The following MSH4 variants were observed in gnomAD, a reference collection of about 807,000 sequenced individuals.
MSH4 encodes the protein mutS homolog 4.
In MSH4, 106 loss-of-function variants were observed where a neutral mutation model predicts 113.7. The observed-to-expected ratio is 0.93, with a 90% CI of 0.80 to 1.10. MSH4 has a LOEUF of 1.10. Among genes scored for constraint, MSH4 ranks in the 50% least tolerant of loss-of-function variants. MSH4 has a pLI of 0.00. For missense variants in MSH4, 1,061 were observed against 1,093.7 expected, an observed-to-expected ratio of 0.97 and a Z score of 0.42; for synonymous variants, 368 against 380.2, an observed-to-expected ratio of 0.97 and a Z score of 0.37.
intron 9 of MSH4, among the ~76,000 whole-genome samples, chr1:75,871,723 T>C (rs1228119255): frequency 6.6e-5 from 10 of 152,340 alleles, no homozygotes; most frequent in South Asian, 6.2e-4. Context: ...CCTGTAACAC[T>C]ACTTCTAGAG....
intron 8 of MSH4, 56 bp from the exon 9 acceptor site, chr1:75,867,458 A>G (rs1651611052): frequency 3.2e-6 from 3 of 937,708 alleles, no homozygotes; most frequent in African/African-American, 1.7e-5. Flanking sequence ...AGGAAAACCC[A>G]TTGTTCTATT....
chr1:75,859,522 G>T (rs2201274), intron 8 of MSH4, among the ~76,000 whole-genome samples: 114,541 of 152,078 alleles, frequency 0.75, 43,277 homozygotes, highest in East Asian at 0.98. Context: ...GTTATTTACT[G>T]AGTAGTCATT....
At chr1:75,865,879 G>A (rs1570975857) in intron 8 of MSH4, among the ~76,000 whole-genome samples, 1 of 151,830 alleles carries the variant, frequency 6.6e-6, no homozygotes, top group Non-Finnish European at 1.5e-5. Flanking sequence ...GTAGGTTGAG[G>A]GAAGGGCCAT....
chr1:75,832,844 A>T (rs1047931682), intron 7 of MSH4, among the ~76,000 whole-genome samples: 19 of 152,306 alleles, frequency 1.2e-4, no homozygotes, highest in African/African-American at 4.6e-4. Context: ...GAATGGGCAA[A>T]AACTGGAAGC....
chr1:75,832,064 G>A (rs1650706102), intron 7 of MSH4, among the ~76,000 whole-genome samples: 1 of 152,086 alleles, frequency 6.6e-6, no homozygotes, highest in Non-Finnish European at 1.5e-5. Context: ...AGAAAAGAGA[G>A]AAGAATCAAA....
chr1:75,819,711 CTTTG>C (rs1449850985), intron 6 of MSH4, among the ~76,000 whole-genome samples: 2 of 151,818 alleles, frequency 1.3e-5, no homozygotes, highest in Middle Eastern at 3.2e-3. Context: ...TTTTTTGTTT[CTTTG>C]TTTTTGTTTG....
intron 1 of MSH4, among the ~76,000 whole-genome samples, chr1:75,797,900 C>T (rs541221638): frequency 6.6e-6 from 1 of 152,248 alleles, no homozygotes; most frequent in African/African-American, 2.4e-5. Flanking sequence ...GCTGAGATTG[C>T]GCCACTGCAT....
At chr1:75,853,075 G>T (rs1343005940) in intron 8 of MSH4, among the ~76,000 whole-genome samples, 3 of 151,880 alleles carry the variant, frequency 2.0e-5, no homozygotes, top group Admixed American at 6.6e-5. Context: ...TTGTTTGTTT[G>T]TTTGTTTGAG....
chr1:75,879,170 A>G, intron 12 of MSH4, 42 bp downstream of exon 12: 2 of 1,563,602 alleles, frequency 1.3e-6, no homozygotes, highest in Non-Finnish European at 1.8e-6. Context: ...TTCTGATTTT[A>G]TAGAATTACA....
At chr1:75,803,321 A>G (rs1649979207) in intron 1 of MSH4, among the ~76,000 whole-genome samples, 1 of 152,196 alleles carries the variant, frequency 6.6e-6, no homozygotes, top group South Asian at 2.1e-4. Context: ...GAAATTTTAT[A>G]GAAAGTGAAC....
intron 14 of MSH4, among the ~76,000 whole-genome samples, chr1:75,881,973 T>C (rs1651944764): frequency 6.6e-6 from 1 of 152,088 alleles, no homozygotes; most frequent in Admixed American, 6.6e-5. Context: ...GTGATAATTA[T>C]GGTTGAATAA....
In MSH4 at chr1:75,883,642, C is replaced by T; in HGVS notation, c.1928C>T (p.Thr643Ile). The T allele has an allele frequency of 1.2e-6, 2 of 1,612,118 alleles. No individual in the cohort carries two copies. The highest frequency in any genetic ancestry group is 1.3e-5 in the African/African-American group (1 of 74,890). ...SDYVRPEFTDTLAIKQGWHPI... is the reference protein window; with the variant it reads ...SDYVRPEFTDILAIKQGWHPI... ...TAAGTTCGACCAGAATTTACTGATACTTTAGCAATCAAACAGGGATGGCAT... is the reference window on the plus strand; with the variant it reads ...TAAGTTCGACCAGAATTTACTGATATTTTAGCAATCAAACAGGGATGGCAT... Residue 643 changes from threonine to isoleucine, a missense_variant, in exon 15 of 20, where the codon ACT becomes ATT. Physicochemically the swap from Thr to Ile is moderately conservative, Grantham distance 89. Transcript: ENST00000263187.
At chr1:75,837,572 A>T (rs1287942194) in intron 7 of MSH4, among the ~76,000 whole-genome samples, 1 of 151,958 alleles carries the variant, frequency 6.6e-6, no homozygotes, top group Admixed American at 6.6e-5. Context: ...TTTTTAGTAG[A>T]GATGGGATTT....
chr1:75,842,444 G>A (rs1241688468), intron 7 of MSH4, among the ~76,000 whole-genome samples: 6 of 152,152 alleles, frequency 3.9e-5, no homozygotes, highest in African/African-American at 2.4e-5. Context: ...AGCTGTTCCA[G>A]TATAGTAAAA....
chr1:75,844,902 C>T (rs566772812), intron 7 of MSH4, among the ~76,000 whole-genome samples: 2 of 152,118 alleles, frequency 1.3e-5, no homozygotes, highest in African/African-American at 4.8e-5. Flanking sequence ...GGTTAAGGGA[C>T]CTGTATCTGG....
chr1:75,822,312 A>T, intron 6 of MSH4, 97 bp from the exon 7 acceptor site: 1 of 724,446 alleles, frequency 1.4e-6, no homozygotes. Context: ...AAAAAGAATC[A>T]TTGCTGTAGA....
intron 7 of MSH4, among the ~76,000 whole-genome samples, chr1:75,827,537 A>C (rs1390031180): frequency 9.9e-5 from 15 of 152,118 alleles, no homozygotes; most frequent in African/African-American, 3.4e-4. Flanking sequence ...AAAGACACAG[A>C]CTGACAAATT....
chr1:75,810,778 T>C lies in MSH4; in HGVS notation c.670T>C (p.Leu224=). The C allele has an allele frequency of 6.3e-7, 1 of 1,586,212 alleles. No homozygotes were observed. The highest frequency in any genetic ancestry group is 8.6e-7 in the Non-Finnish European group (1 of 1,166,740). Residue 224 remains leucine (L), a synonymous_variant, in exon 4 of 20, where the codon TTG becomes CTG. Coordinates refer to ENST00000263187, the MANE Select transcript of MSH4 (RefSeq NM_002440.4). ...TTGTGCTGTGGGGAATTCCACCAAG[T>C]TGTTCACTCTGATCACAGAAAATTT... ...TACAVGNSTK[L]FTLITENFKN... is the part of the protein sequence containing the mutation.
intron 10 of MSH4, 133 bp downstream of exon 10, chr1:75,877,133 C>A: frequency 2.2e-6 from 1 of 448,492 alleles, no homozygotes; most frequent in East Asian, 3.7e-5. Flanking sequence ...TTAACCTATT[C>A]ATCAAAATTC....
Sources: allele counts gnomAD v4.1 joint callset (sites outside exome capture counted in the v4.1 genomes callset), GRCh38; gene constraint gnomAD v4.1.1; transcripts MANE v1.5; gene names NCBI Gene and HGNC (gene_info 2026-07-23, HGNC 2026-07-21).